Variants in CDH13 observed in about 807,000 individuals in gnomAD.
CDH13 encodes cadherin-13.
A neutral mutation model predicts 63.8 loss-of-function variants in CDH13; 24 were observed. The ratio of observed to expected loss-of-function variants is 0.38; its 90% CI spans 0.27 to 0.53. The LOEUF is 0.53. Ranked by LOEUF, CDH13 falls within the 20% of genes least tolerant of loss-of-function variation. The probability of loss-of-function intolerance (pLI) is 0.85; values close to 1 mark genes in which losing one functional copy is unlikely to be tolerated. For missense variants in CDH13, 1,049 were observed against 903.1 expected, an observed-to-expected ratio of 1.16 and a Z score of -2.07; for synonymous variants, 503 against 355.3, an observed-to-expected ratio of 1.42 and a Z score of -4.67.
chr16:83,029,826 T>C (rs1289163330), intron 2 of CDH13, among the ~76,000 whole-genome samples: 2 of 152,164 alleles, frequency 1.3e-5, no homozygotes, highest in African/African-American at 4.8e-5. Context: ...GGGTTGTATG[T>C]TCTGATTTAT....
chr16:83,085,566 G>T (rs778099472), intron 3 of CDH13, among the ~76,000 whole-genome samples: 1 of 152,218 alleles, frequency 6.6e-6, no homozygotes, highest in Non-Finnish European at 1.5e-5. Context: ...TCTACTGTTT[G>T]TCTCTCATAG....
At chr16:83,672,055 G>C (rs1177702554) in intron 9 of CDH13, among the ~76,000 whole-genome samples, 4 of 152,210 alleles carry the variant, frequency 2.6e-5, no homozygotes, top group Admixed American at 2.6e-4. Flanking sequence ...TGTATTTATA[G>C]TGATAGTACC....
chr16:83,279,018 A>C (rs187090289), intron 5 of CDH13, among the ~76,000 whole-genome samples: 3 of 151,648 alleles, frequency 2.0e-5, no homozygotes, highest in Admixed American at 2.0e-4. Context: ...TTATTTATTT[A>C]TTTTTTATTG....
chr16:82,712,774 G>T (rs1395092610), intron 1 of CDH13, among the ~76,000 whole-genome samples: 2 of 152,132 alleles, frequency 1.3e-5, no homozygotes, highest in Non-Finnish European at 2.9e-5. Context: ...TTACCTCCCA[G>T]TTCCAAGTTT....
intron 2 of CDH13, among the ~76,000 whole-genome samples, chr16:82,914,769 T>C (rs942263540): frequency 5.9e-5 from 9 of 152,188 alleles, no homozygotes; most frequent in African/African-American, 1.9e-4. Context: ...ATGTGGAAGT[T>C]ACATGCTCCA....
chr16:83,050,734 G>A (rs898423568), intron 3 of CDH13, among the ~76,000 whole-genome samples: 11 of 152,096 alleles, frequency 7.2e-5, no homozygotes, highest in Admixed American at 7.2e-4. Flanking sequence ...GCCTCTCGGG[G>A]TTAACTGTGT....
At chr16:83,222,161 T>C (rs934307625) in intron 5 of CDH13, among the ~76,000 whole-genome samples, 6 of 152,212 alleles carry the variant, frequency 3.9e-5, no homozygotes, top group African/African-American at 7.2e-5. Flanking sequence ...CCTCAGAACA[T>C]GGAAAGGACC....
At chr16:82,977,263 A>G (rs974868047) in intron 2 of CDH13, among the ~76,000 whole-genome samples, 6 of 152,098 alleles carry the variant, frequency 3.9e-5, no homozygotes, top group African/African-American at 1.4e-4. Flanking sequence ...TGGGATGAGT[A>G]AGGCAGCCAA....
chr16:82,723,612 T>C (rs1189320429), intron 1 of CDH13, among the ~76,000 whole-genome samples: 1 of 152,140 alleles, frequency 6.6e-6, no homozygotes, highest in East Asian at 1.9e-4. Context: ...GGAGTCTAGG[T>C]TCCTAAATGA....
At chr16:83,512,170 A>C (rs976774250) in intron 7 of CDH13, among the ~76,000 whole-genome samples, 2 of 150,224 alleles carry the variant, frequency 1.3e-5, no homozygotes, top group East Asian at 4.0e-4. Flanking sequence ...AAATACAAAA[A>C]ATTAGCCAGA....
chr16:83,125,094 G>A (rs2035750806), intron 3 of CDH13, among the ~76,000 whole-genome samples: 1 of 152,194 alleles, frequency 6.6e-6, no homozygotes, highest in African/African-American at 2.4e-5. Flanking sequence ...GGCAGATTAA[G>A]AACAGCAATA....
intron 5 of CDH13, among the ~76,000 whole-genome samples, chr16:83,289,391 A>T (rs191627329): frequency 6.6e-6 from 1 of 152,204 alleles, no homozygotes; most frequent in Non-Finnish European, 1.5e-5. Context: ...CATCACAATC[A>T]TCTTGGATGC....
At chr16:83,089,044 C>G (rs140412737) in intron 3 of CDH13, among the ~76,000 whole-genome samples, 1 of 152,156 alleles carries the variant, frequency 6.6e-6, no homozygotes, top group South Asian at 2.1e-4. Context: ...CTACCTGGTT[C>G]TTTATAGACA....
At chr16:82,920,100 G>A (rs921528601) in intron 2 of CDH13, among the ~76,000 whole-genome samples, 10 of 152,336 alleles carry the variant, frequency 6.6e-5, no homozygotes, top group Admixed American at 2.6e-4. Context: ...AACACTGCAT[G>A]CCTCATGTAT....
intron 1 of CDH13, among the ~76,000 whole-genome samples, chr16:82,730,181 T>C (rs911625284): frequency 6.6e-6 from 1 of 152,228 alleles, no homozygotes; most frequent in African/African-American, 2.4e-5. Flanking sequence ...TTCAAGAGCT[T>C]TCTTTTGCAT....
chr16:83,450,076 T>A (rs900678802), intron 6 of CDH13, among the ~76,000 whole-genome samples: 1 of 152,164 alleles, frequency 6.6e-6, no homozygotes, highest in African/African-American at 2.4e-5. Context: ...ATCCCAACTC[T>A]GACCCAGCAC....
intron 8 of CDH13, among the ~76,000 whole-genome samples, chr16:83,615,047 C>G (rs1015180122): frequency 1.3e-5 from 2 of 152,126 alleles, no homozygotes; most frequent in African/African-American, 4.8e-5. Flanking sequence ...GGATCTTTTC[C>G]TCTGTTTTTG....
In CDH13 at chr16:83,797,705, G is replaced by T. The variant is rs1219335563; in HGVS notation, c.*2675G>T. 1 of 152,060 alleles carries T rather than the reference G, an allele frequency of 6.6e-6. No homozygotes were observed. Among genetic ancestry groups the T allele is most frequent in the Admixed American group, 6.6e-5 (1 of 15,254 alleles). 9.4% of individuals were successfully genotyped at this position (152,060 alleles called of 1,614,324 possible). ...ATCTGAGTCCAACTTATTAAAAAAC[G>T]AAGTCAAGTAAGGACCAGAAATTGC... On this transcript the variant is annotated 3_prime_UTR_variant, in exon 14 of 14. Coordinates refer to ENST00000567109, the MANE Select transcript of CDH13 (RefSeq NM_001257.5).
At chr16:82,858,156 T>C (rs117199649) in intron 1 of CDH13, among the ~76,000 whole-genome samples, 2,233 of 152,360 alleles carry the variant, frequency 0.015, 32 homozygotes, top group Non-Finnish European at 0.022. Flanking sequence ...TAATGGAAAC[T>C]GCAGCAGCTG....
Sources: gnomAD v4.1 joint callset for allele counts (sites outside exome capture counted in the v4.1 genomes callset) on GRCh38, gnomAD v4.1.1 for gene constraint, MANE v1.5 for transcripts, NCBI Gene and HGNC (gene_info 2026-07-23, HGNC 2026-07-21) for gene names.